CUL9: variants seen among roughly 807,000 people sequenced by gnomAD.
CUL9 encodes the protein cullin-9.
In CUL9, 79 loss-of-function variants were observed where a neutral mutation model predicts 272.6. The observed-to-expected ratio is 0.29, with a 90% confidence interval of 0.24 to 0.35. The LOEUF (loss-of-function observed/expected upper bound fraction) is 0.35. CUL9 is among the 10% of genes least tolerant of loss of function. CUL9 has a pLI of 1.00. For missense variants in CUL9, 2,532 were observed against 3,255.6 expected (o/e 0.78, Z 5.41); for synonymous variants, 1,186 against 1,286.5 (o/e 0.92, Z 1.67).
In CUL9 at chr6:43,220,390, T is replaced by C; in HGVS notation, c.6283-69T>C. On this transcript the variant is annotated intron_variant, in intron 31 of 40. Coordinates refer to ENST00000252050, the MANE Select transcript of CUL9 (RefSeq NM_015089.4). The surrounding 1 kb of genome is among the most constrained non-coding windows in gnomAD (Gnocchi z 4.9). ...AAGGGAAGGAGGGACGCTAGCTTAGTTACCAGGACACTCCCCCTGTGCTGC... is the reference window on the plus strand; with the variant it reads ...AAGGGAAGGAGGGACGCTAGCTTAGCTACCAGGACACTCCCCCTGTGCTGC... 1.3e-6 allele frequency: 2 copies of C among 1,563,320 alleles called. No homozygotes were observed. The highest frequency in any genetic ancestry group is 1.4e-5 in the African/African-American group (1 of 73,904).
chr6:43,211,624 TTGTC>T (rs997972046), intron 26 of CUL9, among the ~76,000 whole-genome samples: 1 of 152,118 alleles, frequency 6.6e-6, no homozygotes, highest in African/African-American at 2.4e-5. Context: ...GTTTTTTTAT[TTGTC>T]TGAGAAGGGT....
rs373443283 is a variant in CUL9, at chr6:43,222,649, C to T, written c.7032+8C>T. On this transcript the variant is annotated splice_region_variant and intron_variant, in intron 37 of 40. Transcript: ENST00000252050. ...CTGGAGCAGGCTCGGAAGGTGGTAG[C>T]GGGTGGGGGAAGAGAGCAGGGGAGG... is the stretch of plus-strand genomic sequence containing the variant. 2.7e-5 allele frequency: 44 copies of T among 1,610,924 alleles called. 1 individual carries two copies. The highest frequency in any genetic ancestry group is 2.6e-4 in the South Asian group (24 of 91,066).
At chr6:43,201,760 T>G (rs1473735024) in intron 16 of CUL9, among the ~76,000 whole-genome samples, 1 of 152,298 alleles carries the variant, frequency 6.6e-6, no homozygotes, top group East Asian at 1.9e-4. Context: ...ATTACAGGCG[T>G]GAACCACTGC....
intron 24 of CUL9, 28 bp downstream of exon 24, chr6:43,205,451 A>G: frequency 6.2e-7 from 1 of 1,605,056 alleles, no homozygotes; most frequent in Non-Finnish European, 8.5e-7. Flanking sequence ...GGCATAGGGG[A>G]TGGGAGGCCT....
Position 43,215,079 on chromosome 6 carries a change from G to C in CUL9, c.5689G>C (p.Val1897Leu). ...TTCTTGTTTCTTTCCTCCTATCCAG[G>C]TGCTGGAGGCCTGGCAGAAGGGTCC... ...GLHIDQLVCL[V>L]LEAWQKGPNP... Residue 1897 changes from valine to leucine, a missense_variant and splice_region_variant, in exon 30 of 41, where the codon GTG becomes CTG. Around this residue, in one of 3 missense-constraint regions of CUL9, gnomAD observed 2,218 missense variants for 2,788.6 expected, o/e 0.80. Transcript: ENST00000252050. 5.6e-6 allele frequency: 9 copies of C among 1,600,436 alleles called. No individual in the cohort carries two copies. The highest frequency in any genetic ancestry group is 7.7e-6 in the Non-Finnish European group (9 of 1,171,046).
rs751682495 is a variant in CUL9 at position 43,215,278 on chromosome 6, A to G, written c.5888A>G (p.Gln1963Arg). ...APEPMGPCRG[Q>R]ADVPFCGSQS... ...GAGCCCATGGGGCCCTGCCGGGGTC[A>G]GGCAGATGTCCCTTTCTGTGGCAGC... Residue 1963 changes from glutamine to arginine, a missense_variant, in exon 30 of 41, where the codon CAG becomes CGG. Physicochemically the swap from Gln to Arg is conservative, Grantham distance 43. This residue lies in a region of CUL9 where 2,218 missense variants were observed against 2,788.6 expected (regional missense o/e 0.80). Coordinates refer to ENST00000252050, the MANE Select transcript of CUL9 (RefSeq NM_015089.4). 5 of 1,613,776 alleles carry G rather than the reference A, an allele frequency of 3.1e-6. No individual in the cohort carries two copies. The South Asian group carries it at 4.4e-5, about 14-fold the overall frequency.
intron 17 of CUL9, 120 bp downstream of exon 17, chr6:43,202,941 C>A: frequency 8.1e-7 from 1 of 1,237,368 alleles, no homozygotes; most frequent in Non-Finnish European, 1.2e-6. Flanking sequence ...AAGGTGTTGC[C>A]TTGTAAGCAG....
Position 43,206,052 on chromosome 6 carries a change from G to A in CUL9, c.4839G>A (p.Leu1613=), listed in dbSNP as rs754640457. 1 of 1,614,192 alleles carries A rather than the reference G, an allele frequency of 6.2e-7. No homozygotes were observed. Among genetic ancestry groups the A allele is most frequent in the South Asian group, 1.1e-5 (1 of 91,088 alleles). ...DRLLSFGSSW[L]EGAVLEQIGL... The stretch of plus-strand genomic sequence containing the variant: ...TCCTGAGCTTTGGTTCGAGCTGGCT[G>A]GAGGGGGCTGTGCTAGAGCAGATTG... The change falls in exon 25 of 41, where the codon CTG becomes CTA. Residue 1613 remains leucine, a synonymous_variant. Transcript: ENST00000252050. The surrounding 1 kb of genome is among the most constrained non-coding windows in gnomAD (Gnocchi z 4.8).
chr6:43,216,621 G>T (rs918249565), intron 31 of CUL9, 118 bp downstream of exon 31: 1 of 943,340 alleles, frequency 1.1e-6, no homozygotes, highest in African/African-American at 1.6e-5. Context: ...GGCAATAGTG[G>T]ATTTAGTCTC....
At position 43,204,364 on chromosome 6, in the gene CUL9, G is replaced by A. The variant is rs766410087; in HGVS notation, c.4164G>A (p.Ala1388=). The change falls in exon 21 of 41, where the codon GCG becomes GCA. Residue 1388 remains alanine, a synonymous_variant. Transcript: ENST00000252050. Reference sequence around the variant, plus strand: ...TCCTGACCTGTCTTCTTTCAGATGCGGAAGGCGTGAGTGCCCTGGGATGGC... The same window carrying A: ...TCCTGACCTGTCTTCTTTCAGATGCAGAAGGCGTGAGTGCCCTGGGATGGC... ...PLVQNITSPD[A]EGVSALGWLL... 3.2e-5 allele frequency: 52 copies of A among 1,613,630 alleles called. 1 individual carries two copies. The highest frequency in any genetic ancestry group is 4.0e-5 in the African/African-American group (3 of 74,910).
In CUL9 at chr6:43,200,874, G is replaced by A; in HGVS notation, c.3647+40G>A. On this transcript the variant is annotated intron_variant, in intron 16 of 40. Transcript: ENST00000252050. This position sits in a 1 kb window ranked among gnomAD's most constrained non-coding sequence, Gnocchi z 4.0. The stretch of plus-strand genomic sequence containing the variant: ...ATATGAATGTTCTGCTGTGCCCCAG[G>A]ATACTTCCCCAAAGCACCCAGATAC... 1 of 1,609,600 alleles carries A rather than the reference G, an allele frequency of 6.2e-7. No individual in the cohort carries two copies.
rs542976704 is a variant in CUL9, at chr6:43,220,883, C to T, written c.6560C>T (p.Ala2187Val). 2 of 1,612,976 alleles carry T rather than the reference C, an allele frequency of 1.2e-6. No individual in the cohort carries two copies. Among genetic ancestry groups the T allele is most frequent in the South Asian group, 2.2e-5 (2 of 90,928 alleles). ...ACCACCTGCTCCAAGTGTGGCTGGG[C>T]CTCTTGCTTCAACTGTAGCTTCCCT... ...CGTTCSKCGW[A>V]SCFNCSFPEA... The change falls in exon 33 of 41, where the codon GCC (alanine) becomes GTC (valine). Residue 2187 changes from alanine (A) to valine (V), a missense_variant. Ala to Val is a moderately conservative substitution (Grantham distance 64). Transcript: ENST00000252050. This position sits in a 1 kb window ranked among gnomAD's most constrained non-coding sequence, Gnocchi z 4.9.
chr6:43,221,361 G>A lies in CUL9; in HGVS notation c.6752+40G>A, dbSNP rs749619315. On this transcript the variant is annotated intron_variant, in intron 34 of 40. Transcript: ENST00000252050. The surrounding 1 kb of genome is among the most constrained non-coding windows in gnomAD (Gnocchi z 4.2). ...ACTGTGGGGAGCCAGAGGGCAAGGA[G>A]GGGGGAGGAGGCCTGGCAGAAGGAG... The A allele has an allele frequency of 1.3e-5, 20 of 1,554,560 alleles. No individual in the cohort carries two copies. Among genetic ancestry groups the A allele is most frequent in the East Asian group, 9.2e-5 (4 of 43,676 alleles).
In CUL9 at chr6:43,224,391, A is replaced by G. The variant is rs199850638; in HGVS notation, c.7500A>G (p.Gln2500=). ...ACGATGAGTCTGAGAACCTGGACCA[A>G]GAGACTTTCTTCTTTGGTGATGAGG... ...FSYDESENLD[Q]ETFFFGDEEE... Residue 2500 remains glutamine, a synonymous_variant, in exon 41 of 41, where the codon CAA becomes CAG. Transcript: ENST00000252050. This position sits in a 1 kb window ranked among gnomAD's most constrained non-coding sequence, Gnocchi z 4.2. 6 of 1,614,166 alleles carry G rather than the reference A, an allele frequency of 3.7e-6. No homozygotes were observed. The African/African-American group carries it at 6.7e-5, about 18-fold the overall frequency.
chr6:43,188,666 G>A lies in CUL9; in HGVS notation c.2131G>A (p.Glu711Lys). 1 of 1,614,108 alleles carries A rather than the reference G, an allele frequency of 6.2e-7. No homozygotes were observed. The highest frequency in any genetic ancestry group is 1.1e-5 in the South Asian group (1 of 91,084). Residue 711 changes from glutamate to lysine, a missense_variant, in exon 8 of 41, where the codon GAG (glutamate) becomes AAG (lysine). By Grantham distance (56) the Glu-to-Lys change is moderately conservative. Transcript: ENST00000252050. Reference sequence around the variant, plus strand: ...CTCTGCCCTCTCTCAGGCTGTGGAGGAGGTCACTGAGCGGGACCACCCTCT... The same window carrying A: ...CTCTGCCCTCTCTCAGGCTGTGGAGAAGGTCACTGAGCGGGACCACCCTCT... ...GLSALSQAVEEVTERDHPLVR... is the reference protein window; with the variant it reads ...GLSALSQAVEKVTERDHPLVR...
rs1774037119 is a variant in CUL9 at position 43,196,786 on chromosome 6, T to C, written c.2727T>C (p.Pro909=). Residue 909 remains proline (P), a synonymous_variant, in exon 11 of 41, where the codon CCT becomes CCC. Transcript: ENST00000252050. The stretch of plus-strand genomic sequence containing the variant: ...CAGGGATAGCACCAAGAACAGAACC[T>C]ATGCCTACCACACGCACCATCCTCA... ...RHSGIAPRTE[P]MPTTRTILMM... The C allele has an allele frequency of 5.6e-6, 9 of 1,614,162 alleles. No homozygotes were observed. Among genetic ancestry groups the C allele is most frequent in the Non-Finnish European group, 7.6e-6 (9 of 1,180,032 alleles).
In CUL9 at chr6:43,187,763, CGA is replaced by C; in HGVS notation, c.1636_1637del (p.Leu547AlafsTer6). ...GEISVSVEMAESLLQVLSSRF... is the reference protein window; with the variant it reads ...GEISVSVEMAXSLLQVLSSRF... ...AGATCTCTGTGTCCGTGGAAATGGCCGAGAGTCTGCTGCAGGTTCTCAGTAGT... is the reference window on the plus strand; with the variant it reads ...AGATCTCTGTGTCCGTGGAAATGGCCGAGTCTGCTGCAGGTTCTCAGTAGT... On this transcript the variant is annotated frameshift_variant, in exon 7 of 41. Transcript: ENST00000252050. LOFTEE classifies it high-confidence loss of function. The C allele has an allele frequency of 6.2e-7, 1 of 1,613,446 alleles. No individual in the cohort carries two copies. The highest frequency in any genetic ancestry group is 8.5e-7 in the Non-Finnish European group (1 of 1,179,918).
intron 9 of CUL9, among the ~76,000 whole-genome samples, 166 bp downstream of exon 9, chr6:43,193,374 T>A (rs1773701397): frequency 6.6e-6 from 1 of 152,100 alleles, no homozygotes; most frequent in African/African-American, 2.4e-5. Context: ...CGGGATTAAG[T>A]GTTTGGAAAA....
chr6:43,213,503 C>T lies in CUL9; in HGVS notation c.5424C>T (p.Leu1808=), dbSNP rs750104441. ...CCCCAGAGCTGCTGCTCCAGGCACT[C>T]GTGCCCCTCACCTCAGGGAATGGCC... ...DLSPELLLQA[L]VPLTSGNGPL... is the part of the protein sequence containing the mutation. The change falls in exon 28 of 41, where the codon CTC becomes CTT. Residue 1808 remains leucine (L), a synonymous_variant. Coordinates refer to ENST00000252050, the MANE Select transcript of CUL9 (RefSeq NM_015089.4). The surrounding 1 kb of genome is among the most constrained non-coding windows in gnomAD (Gnocchi z 5.7). 69 of 1,613,908 alleles carry T rather than the reference C, an allele frequency of 4.3e-5. No individual in the cohort carries two copies. The highest frequency in any genetic ancestry group is 4.6e-5 in the Non-Finnish European group (54 of 1,180,020).
Sources: allele counts gnomAD v4.1 joint callset (sites outside exome capture counted in the v4.1 genomes callset), GRCh38; gene constraint gnomAD v4.1.1; regional missense constraint gnomAD v4.1.1; non-coding constraint Gnocchi (gnomAD v3.1); transcripts MANE v1.5; gene names NCBI Gene and HGNC (gene_info 2026-07-23, HGNC 2026-07-21).